Variants in PJA2 observed in about 807,000 individuals in gnomAD.
PJA2 encodes E3 ubiquitin-protein ligase Praja-2.
Under a neutral mutation model 69.3 loss-of-function variants are expected in PJA2, and 25 were observed. The observed-to-expected ratio is 0.36, with a 90% CI of 0.26 to 0.50. The LOEUF is 0.50. Among genes scored for constraint, PJA2 ranks in the 20% least tolerant of loss-of-function variants. The pLI is 0.96. For synonymous variants in PJA2, 308 were observed against 277.8 expected, an observed-to-expected ratio of 1.11 and a Z score of -1.08; for missense variants, 809 against 830.2, an observed-to-expected ratio of 0.97 and a Z score of 0.31.
intron 9 of PJA2, among the ~76,000 whole-genome samples, chr5:109,341,408 C>A (rs1239970277): frequency 6.9e-6 from 1 of 145,102 alleles, no homozygotes. Context: ...GCCGGGCAAC[C>A]ACCCCGTCTG....
chr5:109,355,595 T>TA (rs1762400209), intron 7 of PJA2, among the ~76,000 whole-genome samples: 1 of 152,234 alleles, frequency 6.6e-6, no homozygotes, highest in African/African-American at 2.4e-5. Flanking sequence ...ATTTCACAAA[T>TA]ACACCTGTGC....
intron 7 of PJA2, among the ~76,000 whole-genome samples, chr5:109,345,183 A>T (rs1451809429): frequency 4.1e-4 from 8 of 19,448 alleles, no homozygotes; most frequent in Non-Finnish European, 8.2e-4. Context: ...TCTCTAGTAA[A>T]AAAAAAAAAA....
chr5:109,368,257 G>A (rs984249868), intron 5 of PJA2, among the ~76,000 whole-genome samples: 1 of 152,148 alleles, frequency 6.6e-6, no homozygotes, highest in Non-Finnish European at 1.5e-5. Context: ...TTTCTCCCTT[G>A]AGCAATGACA....
At chr5:109,377,955 C>A (rs185287457) in intron 4 of PJA2, among the ~76,000 whole-genome samples, 145 of 152,206 alleles carry the variant, frequency 9.5e-4, no homozygotes, top group African/African-American at 3.4e-3. Context: ...GCATCTCTAT[C>A]CCTTTATAAT....
Position 109,378,768 on chromosome 5 carries a change from T to A in PJA2, c.719A>T (p.Lys240Ile). ...AAACTCAGTATCACCAGCAGAACTTTTCACTAATGGTACAGAATCTAACTC... is the reference window on the plus strand; with the variant it reads ...AAACTCAGTATCACCAGCAGAACTTATCACTAATGGTACAGAATCTAACTC... ...FEELDSVPLVKSSAGDTEFVH... is the reference protein window; with the variant it reads ...FEELDSVPLVISSAGDTEFVH... The change falls in exon 4 of 10, where the codon AAA becomes ATA. Residue 240 changes from lysine to isoleucine, a missense_variant. Coordinates refer to ENST00000361189, the MANE Select transcript of PJA2 (RefSeq NM_014819.5). The A allele has an allele frequency of 6.2e-7, 1 of 1,612,450 alleles. No individual in the cohort carries two copies. The highest frequency in any genetic ancestry group is 1.7e-5 in the Admixed American group (1 of 60,020).
At chr5:109,404,371 A>G (rs1334379614) in intron 1 of PJA2, among the ~76,000 whole-genome samples, 1 of 150,580 alleles carries the variant, frequency 6.6e-6, no homozygotes, top group African/African-American at 2.4e-5. Context: ...AAATACAAAA[A>G]TTAGCCAGGC....
At chr5:109,395,454 G>T (rs941279944) in intron 1 of PJA2, among the ~76,000 whole-genome samples, 1 of 152,310 alleles carries the variant, frequency 6.6e-6, no homozygotes, top group East Asian at 1.9e-4. Flanking sequence ...GTGAGCCTGG[G>T]AGATGGAGGC....
In PJA2 at chr5:109,335,196, TTTTC is replaced by T. The variant is rs1345468452; in HGVS notation, c.*2031_*2034del. The stretch of plus-strand genomic sequence containing the variant: ...TACCATGAAAATCCTAAAACCTCAA[TTTTC>T]TTTTTCTTTTTTAAAATTTAAGCCA... On this transcript the variant is annotated 3_prime_UTR_variant, in exon 10 of 10. Transcript: ENST00000361189. 2.6e-5 allele frequency: 4 copies of T among 152,622 alleles called. 1 individual carries two copies. The highest frequency in any genetic ancestry group is 1.3e-4 in the Admixed American group (2 of 15,284). 9.5% of individuals were successfully genotyped at this position (152,622 alleles called of 1,614,324 possible). A position where few individuals can be genotyped will look rare whatever the true frequency, so the allele number is the denominator to read the frequency against.
chr5:109,337,439 T>A (rs912087166), intron 9 of PJA2, 83 bp from the exon 10 acceptor site: 1 of 1,433,492 alleles, frequency 7.0e-7, no homozygotes, highest in African/African-American at 1.5e-5. Flanking sequence ...AACAGTGTCA[T>A]TATCCTAATA....
intron 1 of PJA2, among the ~76,000 whole-genome samples, chr5:109,397,496 G>GAA (rs1056444072): frequency 1.4e-5 from 2 of 143,912 alleles, no homozygotes; most frequent in Middle Eastern, 3.3e-3. Context: ...TCTCCTAGTA[G>GAA]AAAAAAAAAA....
chr5:109,382,584 A>G (rs1394389840), intron 2 of PJA2, among the ~76,000 whole-genome samples: 1 of 152,034 alleles, frequency 6.6e-6, no homozygotes, highest in East Asian at 1.9e-4. Context: ...ATGGTGGCTC[A>G]TGCCTGTAAT....
At position 109,399,168 on chromosome 5, in the gene PJA2, G is replaced by A. The variant is rs183984676; in HGVS notation, c.-88+10674C>T. Reference sequence around the variant, plus strand: ...AGAGGTTGCAGTGAGCCGAGATCACGCTAATGCACTCCAGCCTGGGTGACA... The same window carrying A: ...AGAGGTTGCAGTGAGCCGAGATCACACTAATGCACTCCAGCCTGGGTGACA... On this transcript the variant is annotated intron_variant, in intron 1 of 9. Transcript: ENST00000361189. Among the ~76,000 whole-genome samples, 388 of 141,196 alleles carry A rather than the reference G, an allele frequency of 2.7e-3. 5 individuals carry two copies. Among genetic ancestry groups the A allele is most frequent in the African/African-American group, 0.01 (372 of 37,188 alleles). 92.6% of individuals were successfully genotyped at this position (141,196 alleles called of 152,430 possible).
chr5:109,401,982 T>C (rs1194461806), intron 1 of PJA2, among the ~76,000 whole-genome samples: 2 of 152,202 alleles, frequency 1.3e-5, no homozygotes, highest in Non-Finnish European at 2.9e-5. Context: ...TAAATATACA[T>C]TGTAAATATA....
rs1761939769 is a variant in PJA2, at chr5:109,336,362, T to C, written c.*869A>G. 1 of 152,188 alleles carries C rather than the reference T, an allele frequency of 6.6e-6. No homozygotes were observed. The highest frequency in any genetic ancestry group is 6.5e-5 in the Admixed American group (1 of 15,286). The allele number at this position is 152,188 out of a possible 1,614,324, so 9.4% of individuals were successfully genotyped here. A position where few individuals can be genotyped will look rare whatever the true frequency, so the allele number is the denominator to read the frequency against. ...GTGCAAGTTTTCAGACCTTCCAAAA[T>C]ACTGTAGAAGCAAAATTACCTTAAA... On this transcript the variant is annotated 3_prime_UTR_variant, in exon 10 of 10. Coordinates refer to ENST00000361189, the MANE Select transcript of PJA2 (RefSeq NM_014819.5).
At chr5:109,403,886 A>G (rs964932079) in intron 1 of PJA2, among the ~76,000 whole-genome samples, 1 of 152,126 alleles carries the variant, frequency 6.6e-6, no homozygotes, top group African/African-American at 2.4e-5. Flanking sequence ...CCTGGCCAAC[A>G]TGGTAAAACC....
intron 6 of PJA2, among the ~76,000 whole-genome samples, chr5:109,359,851 A>C (rs1762480550): frequency 6.6e-6 from 1 of 152,206 alleles, no homozygotes; most frequent in South Asian, 2.1e-4. Flanking sequence ...TGACTTTGAC[A>C]ATTTTACTGT....
At chr5:109,406,728 A>G (rs1192000936) in intron 1 of PJA2, among the ~76,000 whole-genome samples, 1 of 152,268 alleles carries the variant, frequency 6.6e-6, no homozygotes, top group East Asian at 1.9e-4. Flanking sequence ...TTCATTGAAT[A>G]AAGGAATGTT....
rs1184434711 is a variant in PJA2 at position 109,378,204 on chromosome 5, C to A, written c.1283G>T (p.Ser428Ile). Reference protein sequence around the residue: ...YYQLYDKDEDSSECSDGEWSA... With the variant: ...YYQLYDKDEDISECSDGEWSA... ...GAAAAAGTACTGGATGTGACCTTAC[C>A]TATCTTCATCTTTGTCATAGAGTTG... The change falls in exon 4 of 10, where the codon AGT becomes ATT. Residue 428 changes from serine to isoleucine, a missense_variant and splice_region_variant. By Grantham distance (142) the Ser-to-Ile change is moderately radical (BLOSUM62 -2). Around this residue, in one of 4 missense-constraint regions of PJA2, gnomAD observed 700 missense variants for 639.5 expected, o/e 1.09. Transcript: ENST00000361189. The A allele has an allele frequency of 6.2e-7, 1 of 1,605,574 alleles. No individual in the cohort carries two copies.
chr5:109,403,309 G>A (rs930297621), intron 1 of PJA2, among the ~76,000 whole-genome samples: 13 of 151,982 alleles, frequency 8.6e-5, no homozygotes, highest in African/African-American at 2.4e-4. Flanking sequence ...TACAAAGACC[G>A]AAAGCTTTCA....
Sources: allele counts gnomAD v4.1 joint callset (sites outside exome capture counted in the v4.1 genomes callset), GRCh38; gene constraint gnomAD v4.1.1; regional missense constraint gnomAD v4.1.1; transcripts MANE v1.5; gene names NCBI Gene and HGNC (gene_info 2026-07-23, HGNC 2026-07-21).